The following NELL1 variants were observed in gnomAD, a reference collection of about 807,000 sequenced individuals.
NELL1 encodes neural EGFL like 1.
Under a neutral mutation model 107.4 loss-of-function variants are expected in NELL1, and 76 were observed. The ratio of observed to expected loss-of-function variants is 0.71; its 90% CI spans 0.59 to 0.86. The LOEUF is 0.86. Ranked by LOEUF, NELL1 falls within the 40% of genes least tolerant of loss-of-function variation. The probability of loss-of-function intolerance (pLI) is 0.00; values close to 1 mark genes in which losing one functional copy is unlikely to be tolerated. For synonymous variants in NELL1, 353 were observed against 341.2 expected, an observed-to-expected ratio of 1.03 and a Z score of -0.38; for missense variants, 1,024 against 1,005.5, an observed-to-expected ratio of 1.02 and a Z score of -0.25.
chr11:20,819,637 T>TA (rs1313572836), intron 3 of NELL1, among the ~76,000 whole-genome samples: 1 of 152,186 alleles, frequency 6.6e-6, no homozygotes, highest in Non-Finnish European at 1.5e-5. Flanking sequence ...AGCTGTCCAG[T>TA]AAATGAAAAA....
rs1855865979 is a variant in NELL1 at position 21,526,788 on chromosome 11, G to C, written c.1646-7586G>C. Among the ~76,000 whole-genome samples, 3 of 152,274 alleles carry C rather than the reference G, an allele frequency of 2.0e-5. No individual in the cohort carries two copies. The South Asian group carries it at 6.2e-4, about 32-fold the overall frequency. On this transcript the variant is annotated intron_variant, in intron 15 of 19. Transcript: ENST00000357134. Reference sequence around the variant, plus strand: ...CTGGGATACAGCAGCTGGGATGCAGGGCACCAAGTCCTGAAGCTGCACACA... The same window carrying C: ...CTGGGATACAGCAGCTGGGATGCAGCGCACCAAGTCCTGAAGCTGCACACA...
intron 12 of NELL1, among the ~76,000 whole-genome samples, chr11:21,056,133 C>T (rs1274859991): frequency 6.6e-6 from 1 of 152,056 alleles, no homozygotes; most frequent in Non-Finnish European, 1.5e-5. Flanking sequence ...CAGTAATTTG[C>T]CCAGATCACA....
At chr11:21,231,833 G>T (rs1469209165) in intron 14 of NELL1, among the ~76,000 whole-genome samples, 1 of 152,132 alleles carries the variant, frequency 6.6e-6, no homozygotes, top group African/African-American at 2.4e-5. Flanking sequence ...AATCAATTGT[G>T]TTGACCTCAG....
chr11:21,088,056 G>GCT (rs1854435673), intron 12 of NELL1, among the ~76,000 whole-genome samples: 1 of 113,182 alleles, frequency 8.8e-6, no homozygotes, highest in Admixed American at 9.1e-5. Flanking sequence ...AGTCCCAGTA[G>GCT]CTCTGTGTGT....
intron 13 of NELL1, among the ~76,000 whole-genome samples, chr11:21,119,636 T>C (rs1855318824): frequency 6.6e-6 from 1 of 152,094 alleles, no homozygotes; most frequent in Admixed American, 6.6e-5. Context: ...TTTTTAGCCT[T>C]GGAATTTTCG....
chr11:20,970,592 C>T (rs541805779), intron 12 of NELL1, among the ~76,000 whole-genome samples: 12 of 152,218 alleles, frequency 7.9e-5, no homozygotes, highest in African/African-American at 2.4e-4. Flanking sequence ...GACATTTGAA[C>T]GGAGTTCTTA....
In NELL1 at chr11:21,514,711, A is replaced by G. The variant is rs115263959; in HGVS notation, c.1646-19663A>G. ...TGTGGGCTGTTTCTGGCCAGGGGGC[A>G]GACTGTTTGGGTCATCTATGCTAAG... On this transcript the variant is annotated intron_variant, in intron 15 of 19. Transcript: ENST00000357134. Among the ~76,000 whole-genome samples the G allele has an allele frequency of 1.2e-3, 175 of 143,320 alleles. 1 individual carries two copies. The highest frequency in any genetic ancestry group is 5.2e-3 in the African/African-American group (172 of 33,156). 94.0% of individuals were successfully genotyped at this position (143,320 alleles called of 152,430 possible).
chr11:20,687,740 C>T (rs1854343680), intron 2 of NELL1, among the ~76,000 whole-genome samples: 1 of 151,782 alleles, frequency 6.6e-6, no homozygotes, highest in Non-Finnish European at 1.5e-5. Context: ...TACAGGTGCT[C>T]ACTACCACAC....
At chr11:21,172,934 G>GTGTGTGTGTA (rs1224842417) in intron 13 of NELL1, among the ~76,000 whole-genome samples, 2 of 151,554 alleles carry the variant, frequency 1.3e-5, no homozygotes, top group Non-Finnish European at 2.9e-5. Flanking sequence ...GTGTGTGTGT[G>GTGTGTGTGTA]TGTGTGTATG....
chr11:21,176,756 A>G (rs1419490730), intron 13 of NELL1, among the ~76,000 whole-genome samples: 1 of 151,704 alleles, frequency 6.6e-6, no homozygotes, highest in Non-Finnish European at 1.5e-5. Context: ...GTCATCAATC[A>G]AAGTTTAGGT....
intron 15 of NELL1, among the ~76,000 whole-genome samples, chr11:21,390,845 A>T (rs949860939): frequency 1.3e-5 from 2 of 151,720 alleles, no homozygotes; most frequent in African/African-American, 2.4e-5. Context: ...CATGAAATAA[A>T]TTTTTCCAGA....
chr11:20,765,161 TAAAA>T (rs11342033), intron 2 of NELL1, among the ~76,000 whole-genome samples: 5 of 140,242 alleles, frequency 3.6e-5, no homozygotes, highest in Admixed American at 1.5e-4. Flanking sequence ...CTGTCTTTGT[TAAAA>T]AAAAAAAATA....
At chr11:20,697,867 G>T (rs974473350) in intron 2 of NELL1, among the ~76,000 whole-genome samples, 3 of 152,158 alleles carry the variant, frequency 2.0e-5, no homozygotes, top group African/African-American at 4.8e-5. Context: ...CTGCCCATGT[G>T]TAACCATTTT....
chr11:21,275,234 C>G (rs1007832189), intron 14 of NELL1, among the ~76,000 whole-genome samples: 2 of 152,132 alleles, frequency 1.3e-5, no homozygotes, highest in African/African-American at 4.8e-5. Flanking sequence ...ACCGAACCCA[C>G]AGAAATACAA....
rs71034505 is a variant in NELL1, at chr11:21,337,837, T to TTTCCTTTC, written c.1550-33014_1550-33013insCCTTTCTT. Reference sequence around the variant, plus strand: ...CTTTCCTTCTTTCTTTCTTTCTTTCTTTTCTTTCTTTCTTTCTTTCTTTCT... The same window carrying TTTCCTTTC: ...CTTTCCTTCTTTCTTTCTTTCTTTCTTTCCTTTCTTTCTTTCTTTCTTTCTTTCTTTCT... On this transcript the variant is annotated intron_variant, in intron 14 of 19. Coordinates refer to ENST00000357134, the MANE Select transcript of NELL1 (RefSeq NM_006157.5). Among the ~76,000 whole-genome samples, 14 of 86,616 alleles carry TTTCCTTTC rather than the reference T, an allele frequency of 1.6e-4. 1 individual carries two copies. Among genetic ancestry groups the TTTCCTTTC allele is most frequent in the African/African-American group, 5.7e-4 (12 of 21,178 alleles). The allele number at this position is 86,616 out of a possible 152,430, so 56.8% of individuals were successfully genotyped here. A position where few individuals can be genotyped will look rare whatever the true frequency, so the allele number is the denominator to read the frequency against.
chr11:21,451,311 A>AATC (rs1423579791), intron 15 of NELL1, among the ~76,000 whole-genome samples: 1 of 152,072 alleles, frequency 6.6e-6, no homozygotes, highest in Non-Finnish European at 1.5e-5. Flanking sequence ...CTTCTGATTT[A>AATC]ATCTTTTGAA....
intron 14 of NELL1, 55 bp downstream of exon 14, chr11:21,229,509 G>C: frequency 6.2e-7 from 1 of 1,609,394 alleles, no homozygotes; most frequent in Non-Finnish European, 8.5e-7. Flanking sequence ...CTGGGCTCTT[G>C]GCACTTGTGC....
rs140738034 is a variant in NELL1, at chr11:21,032,344, T to C, written c.1300+71784T>C. ...GACTTACCTTAACAAAATCTAAATA[T>C]ATTTTTGTTTTCCTTATAGACTTTA... On this transcript the variant is annotated intron_variant, in intron 12 of 19. Coordinates refer to ENST00000357134, the MANE Select transcript of NELL1 (RefSeq NM_006157.5). 1.7e-3 allele frequency among the ~76,000 whole-genome samples: 258 copies of C among 152,206 alleles called. 2 individuals are homozygous for C. The highest frequency in any genetic ancestry group is 0.014 in the East Asian group (74 of 5,184).
chr11:21,544,214 G>A (rs576976820), intron 16 of NELL1, among the ~76,000 whole-genome samples: 2 of 152,044 alleles, frequency 1.3e-5, no homozygotes, highest in Admixed American at 6.6e-5. Flanking sequence ...ACCTTCACAA[G>A]TATTGGGATG....
Sources: gnomAD v4.1 joint callset for allele counts (sites outside exome capture counted in the v4.1 genomes callset) on GRCh38, gnomAD v4.1.1 for gene constraint, MANE v1.5 for transcripts, NCBI Gene and HGNC (gene_info 2026-07-23, HGNC 2026-07-21) for gene names.